SPINDOC: variants seen among roughly 807,000 people sequenced by gnomAD.
SPINDOC encodes spindlin interactor and repressor of chromatin-binding protein.
A neutral mutation model predicts 30.7 loss-of-function variants in SPINDOC; 13 were observed. The observed-to-expected ratio is 0.42, with a 90% CI of 0.28 to 0.67. The LOEUF (loss-of-function observed/expected upper bound fraction) is 0.67. Among genes scored for constraint, SPINDOC ranks in the 30% least tolerant of loss-of-function variants. SPINDOC has a pLI of 0.22. For missense variants in SPINDOC, 438 were observed against 518.0 expected, an observed-to-expected ratio of 0.85 and a Z score of 1.50; for synonymous variants, 228 against 211.4, an observed-to-expected ratio of 1.08 and a Z score of -0.68.
At position 63,818,896 on chromosome 11, in the gene SPINDOC, G is replaced by T; in HGVS notation, c.828G>T (p.Leu276Phe). The T allele has an allele frequency of 6.2e-7, 1 of 1,614,176 alleles. No homozygotes were observed. The highest frequency in any genetic ancestry group is 8.5e-7 in the Non-Finnish European group (1 of 1,180,046). ...GCAGCTTCCCCGCCGGCTTCGTCTT[G>T]CAGCTCTTCTCCCACACCCAGCTCA... Reference protein sequence around the residue: ...TDGSFPAGFVLQLFSHTQLRG... With the variant: ...TDGSFPAGFVFQLFSHTQLRG... The change falls in exon 5 of 6, where the codon TTG becomes TTT. Residue 276 changes from leucine to phenylalanine, a missense_variant. By Grantham distance (22) the Leu-to-Phe change is conservative. Transcript: ENST00000294244. The surrounding 1 kb of genome is among the most constrained non-coding windows in gnomAD (Gnocchi z 5.3).
intron 5 of SPINDOC, among the ~76,000 whole-genome samples, chr11:63,823,627 G>A (rs1048861282): frequency 2.1e-4 from 32 of 152,052 alleles, no homozygotes; most frequent in Admixed American, 9.8e-4. Flanking sequence ...ATGGAGTCTC[G>A]CTCTGTCGCC....
In SPINDOC at chr11:63,818,451, T is replaced by A. The variant is rs2015409813; in HGVS notation, c.608-76T>A. 8.1e-6 allele frequency: 13 copies of A among 1,603,764 alleles called. No individual in the cohort carries two copies. In the South Asian group the frequency reaches 1.3e-4, roughly 16 times the overall value. On this transcript the variant is annotated intron_variant, in intron 3 of 5. Coordinates refer to ENST00000294244, the MANE Select transcript of SPINDOC (RefSeq NM_138471.3). This position sits in a 1 kb window ranked among gnomAD's most constrained non-coding sequence, Gnocchi z 5.3. Reference sequence around the variant, plus strand: ...ATACAGGCCCTGTGTTCTGGGCAGGTATCTTCAGGAGCCCTGGGGTGGCAG... The same window carrying A: ...ATACAGGCCCTGTGTTCTGGGCAGGAATCTTCAGGAGCCCTGGGGTGGCAG...
At position 63,817,849 on chromosome 11, in the gene SPINDOC, G is replaced by C. The variant is rs35875163; in HGVS notation, c.172G>C (p.Glu58Gln). Residue 58 changes from glutamate (E) to glutamine (Q), a missense_variant, in exon 2 of 6, where the codon GAG becomes CAG. Glu to Gln is a conservative substitution (Grantham distance 29). Transcript: ENST00000294244. ...KTPPPRPSPL[E>Q]AGSDGCEEPK... The stretch of plus-strand genomic sequence containing the variant: ...CCCACCGCCTAGACCCAGCCCGCTA[G>C]AGGCAGGCAGTGATGGCTGTGAGGA... 1,418 of 1,608,790 alleles carry C rather than the reference G, an allele frequency of 8.8e-4. 4 individuals carry two copies. In the African/African-American group the frequency reaches 0.014, roughly 16 times the overall value.
chr11:63,823,018 A>G lies in SPINDOC; in HGVS notation c.935-3910A>G, dbSNP rs12275057. ...TTCGTGGAGGTTGGAGATGCCTGGG[A>G]AACCATAGAGGATACCTCACTGGTA... is the stretch of plus-strand genomic sequence containing the variant. On this transcript the variant is annotated intron_variant, in intron 5 of 5. Transcript: ENST00000294244. 0.012 allele frequency: 12,485 copies of G among 1,045,922 alleles called. 1,126 individuals carry two copies. The African/African-American group carries it at 0.19, about 16-fold the overall frequency. The allele number at this position is 1,045,922 out of a possible 1,614,324, so 64.8% of individuals were successfully genotyped here.
chr11:63,814,121 C>T (rs1226351730), intron 1 of SPINDOC, among the ~76,000 whole-genome samples: 3 of 152,230 alleles, frequency 2.0e-5, no homozygotes, highest in Non-Finnish European at 2.9e-5. Flanking sequence ...GGCCCAGCAC[C>T]AGAGGCCGGA....
intron 5 of SPINDOC, among the ~76,000 whole-genome samples, chr11:63,822,207 T>C (rs79919389): frequency 0.023 from 3,411 of 151,046 alleles, 130 homozygotes; most frequent in African/African-American, 0.078. Context: ...ACTGGGCATG[T>C]TGGTGTGCAC....
chr11:63,816,692 A>T (rs2015349163), intron 1 of SPINDOC, among the ~76,000 whole-genome samples: 1 of 152,196 alleles, frequency 6.6e-6, no homozygotes, highest in South Asian at 2.1e-4. Flanking sequence ...AAAAGCACTG[A>T]GCTTCCAGGC....
intron 5 of SPINDOC, among the ~76,000 whole-genome samples, chr11:63,820,625 C>A (rs904871787): frequency 6.6e-6 from 1 of 151,912 alleles, no homozygotes; most frequent in Non-Finnish European, 1.5e-5. Context: ...GGCGCGGTGG[C>A]TCACGCCTGT....
chr11:63,817,438 A>G (rs552316875), intron 1 of SPINDOC, among the ~76,000 whole-genome samples: 3 of 152,290 alleles, frequency 2.0e-5, no homozygotes, highest in Admixed American at 6.5e-5. Context: ...ATCTATTGTC[A>G]GGGATTGGGG....
rs190647253 is a variant in SPINDOC, at chr11:63,813,657, C to G, written c.-30C>G. On this transcript the variant is annotated 5_prime_UTR_variant, in exon 1 of 6. Coordinates refer to ENST00000294244, the MANE Select transcript of SPINDOC (RefSeq NM_138471.3). ...GCGCCGAAGCCTGCGCGCCAGTCCT[C>G]CGGCCACTGCTATCGCCCACGGCCG... The G allele has an allele frequency of 2.4e-3, 3,692 of 1,517,756 alleles. 79 individuals carry two copies. In the African/African-American group the frequency reaches 0.046, roughly 19 times the overall value. 94.0% of individuals were successfully genotyped at this position (1,517,756 alleles called of 1,614,324 possible). A position where few individuals can be genotyped will look rare whatever the true frequency, so the allele number is the denominator to read the frequency against.
chr11:63,825,915 C>T (rs9666067), intron 5 of SPINDOC, among the ~76,000 whole-genome samples: 141,352 of 152,132 alleles, frequency 0.93, 66,377 homozygotes, highest in Non-Finnish European at 0.99. Context: ...AAATCACCAT[C>T]TTCTGTTTTT....
At chr11:63,820,911 C>G (rs1268635591) in intron 5 of SPINDOC, among the ~76,000 whole-genome samples, 1 of 75,486 alleles carries the variant, frequency 1.3e-5, no homozygotes, top group Non-Finnish European at 3.5e-5. Flanking sequence ...AAAAAAACAA[C>G]ACACATCGCT....
Position 63,827,361 on chromosome 11 carries a change from G to T in SPINDOC, c.*222G>T, listed in dbSNP as rs2015680435. On this transcript the variant is annotated 3_prime_UTR_variant, in exon 6 of 6. Coordinates refer to ENST00000294244, the MANE Select transcript of SPINDOC (RefSeq NM_138471.3). The stretch of plus-strand genomic sequence containing the variant: ...GGTGGCTGAGGCTGTTGTGCAGTAG[G>T]GCACTGGGCCTGTGGAGAACACCTA... 2.8e-6 allele frequency: 2 copies of T among 724,670 alleles called. No homozygotes were observed. The highest frequency in any genetic ancestry group is 4.4e-6 in the Non-Finnish European group (2 of 449,942). The allele number at this position is 724,670 out of a possible 1,614,324, so 44.9% of individuals were successfully genotyped here.
chr11:63,824,529 C>T (rs942798085), intron 5 of SPINDOC, among the ~76,000 whole-genome samples: 1 of 152,070 alleles, frequency 6.6e-6, no homozygotes, highest in Admixed American at 6.6e-5. Flanking sequence ...TGAATGAGTA[C>T]GTGCTTAAGT....
rs920411031 is a variant in SPINDOC, at chr11:63,817,193, A to T, written c.128-612A>T. Among the ~76,000 whole-genome samples the T allele has an allele frequency of 2.0e-5, 3 of 149,264 alleles. No homozygotes were observed. The South Asian group carries it at 6.4e-4, about 32-fold the overall frequency. ...GAGACCCCCATCTTTTAAAAAAAAA[A>T]TTATTAGCCAGGCATGGTGGCGCTC... is the stretch of plus-strand genomic sequence containing the variant. On this transcript the variant is annotated intron_variant, in intron 1 of 5. Coordinates refer to ENST00000294244, the MANE Select transcript of SPINDOC (RefSeq NM_138471.3).
In SPINDOC at chr11:63,819,048, C is replaced by T. The variant is rs755794215; in HGVS notation, c.934+46C>T. The T allele has an allele frequency of 4.1e-5, 53 of 1,306,406 alleles. No homozygotes were observed. In the South Asian group the frequency reaches 5.0e-4, roughly 12 times the overall value. 80.9% of individuals were successfully genotyped at this position (1,306,406 alleles called of 1,614,324 possible). ...AGCACAGTAGGGACCTCGCAGGCAG[C>T]GCTCCTGGGCCAGGCCTCAGAGAGG... is the stretch of plus-strand genomic sequence containing the variant. On this transcript the variant is annotated intron_variant, in intron 5 of 5. Coordinates refer to ENST00000294244, the MANE Select transcript of SPINDOC (RefSeq NM_138471.3).
At position 63,818,510 on chromosome 11, in the gene SPINDOC, G is replaced by A. The variant is rs1301632692; in HGVS notation, c.608-17G>A. 1.9e-6 allele frequency: 3 copies of A among 1,610,150 alleles called. No homozygotes were observed. The highest frequency in any genetic ancestry group is 8.5e-7 in the Non-Finnish European group (1 of 1,179,780). Reference sequence around the variant, plus strand: ...GATGGCCTCTTTAAAAGGGTATGAGGTCTTTTCTTTTTGCAGCTGTCCCTG... The same window carrying A: ...GATGGCCTCTTTAAAAGGGTATGAGATCTTTTCTTTTTGCAGCTGTCCCTG... On this transcript the variant is annotated splice_polypyrimidine_tract_variant and intron_variant, in intron 3 of 5. Coordinates refer to ENST00000294244, the MANE Select transcript of SPINDOC (RefSeq NM_138471.3). This position sits in a 1 kb window ranked among gnomAD's most constrained non-coding sequence, Gnocchi z 5.3.
At position 63,822,568 on chromosome 11, in the gene SPINDOC, C is replaced by T. The variant is rs2019802; in HGVS notation, c.934+3566C>T. On this transcript the variant is annotated intron_variant, in intron 5 of 5. Coordinates refer to ENST00000294244, the MANE Select transcript of SPINDOC (RefSeq NM_138471.3). ...TTTATTTGCCTAAATTTGAGCCCCCCGTTTTCTGATCTCGAGGCAGGCCTC... is the reference window on the plus strand; with the variant it reads ...TTTATTTGCCTAAATTTGAGCCCCCTGTTTTCTGATCTCGAGGCAGGCCTC... 8,048 of 1,280,178 alleles carry T rather than the reference C, an allele frequency of 6.3e-3. 691 individuals are homozygous for T. The Admixed American group carries it at 0.15, about 25-fold the overall frequency. The allele number at this position is 1,280,178 out of a possible 1,614,324, so 79.3% of individuals were successfully genotyped here.
At chr11:63,822,169 T>A (rs1045475784) in intron 5 of SPINDOC, among the ~76,000 whole-genome samples, 1 of 151,764 alleles carries the variant, frequency 6.6e-6, no homozygotes, top group African/African-American at 2.4e-5. Flanking sequence ...ATAAGGAGAC[T>A]CCATCTCTAG....
Sources: allele counts gnomAD v4.1 joint callset (sites outside exome capture counted in the v4.1 genomes callset), GRCh38; gene constraint gnomAD v4.1.1; non-coding constraint Gnocchi (gnomAD v3.1); transcripts MANE v1.5; gene names NCBI Gene and HGNC (gene_info 2026-07-23, HGNC 2026-07-21).